The following PAQR5 variants were observed in gnomAD, a reference collection of about 807,000 sequenced individuals.
PAQR5 encodes progestin and adipoQ receptor family member 5.
A neutral mutation model predicts 34.5 loss-of-function variants in PAQR5; 20 were observed. That is an observed-to-expected ratio of 0.58 (90% CI 0.41 to 0.84). PAQR5 has a LOEUF of 0.84. Among genes scored for constraint, PAQR5 ranks in the 40% least tolerant of loss-of-function variants. The pLI is 0.00. For synonymous variants in PAQR5, 131 were observed against 155.6 expected (o/e 0.84, Z 1.18); for missense variants, 378 against 412.7 (o/e 0.92, Z 0.73).
intron 1 of PAQR5, among the ~76,000 whole-genome samples, chr15:69,307,885 T>C (rs1034717307): frequency 6.6e-6 from 1 of 152,186 alleles, no homozygotes; most frequent in East Asian, 1.9e-4. Context: ...GGGTTGATGG[T>C]GGTGCAGGCA....
chr15:69,331,825 A>G (rs1366146894), intron 1 of PAQR5, among the ~76,000 whole-genome samples: 1 of 152,220 alleles, frequency 6.6e-6, no homozygotes, highest in Non-Finnish European at 1.5e-5. Context: ...GGGATGGAAA[A>G]TGTTAATTTG....
At chr15:69,352,957 G>A (rs1447835779) in intron 2 of PAQR5, among the ~76,000 whole-genome samples, 2 of 152,208 alleles carry the variant, frequency 1.3e-5, no homozygotes, top group African/African-American at 4.8e-5. Context: ...CTCGTCAGAG[G>A]AGGACTTTAA....
intron 6 of PAQR5, among the ~76,000 whole-genome samples, chr15:69,390,354 TTATTTA>T (rs1567038457): frequency 1.3e-4 from 14 of 111,642 alleles, no homozygotes; most frequent in Non-Finnish European, 2.4e-4. Context: ...ATTTATTTAT[TTATTTA>T]TTTTTTTGAG....
chr15:69,390,658 G>A (rs2056242280), intron 6 of PAQR5, among the ~76,000 whole-genome samples: 1 of 152,058 alleles, frequency 6.6e-6, no homozygotes, highest in Non-Finnish European at 1.5e-5. Context: ...ATGTACCCAG[G>A]ACACTTAGCA....
chr15:69,403,500 T>C (rs1195905737), intron 8 of PAQR5, 81 bp from the exon 9 acceptor site: 1 of 1,374,600 alleles, frequency 7.3e-7, no homozygotes, highest in African/African-American at 1.4e-5. Flanking sequence ...TTAGCATCAT[T>C]TTTAGCATGA....
chr15:69,331,872 T>C (rs942321473), intron 1 of PAQR5, among the ~76,000 whole-genome samples: 6 of 152,342 alleles, frequency 3.9e-5, no homozygotes, highest in African/African-American at 1.2e-4. Context: ...ATCTTGCAAA[T>C]TGAGAATCTT....
At chr15:69,397,865 C>A (rs1218020180) in intron 7 of PAQR5, 6 of 404,240 alleles carry the variant, frequency 1.5e-5, no homozygotes, top group African/African-American at 1.0e-4. Flanking sequence ...CCCCCACACC[C>A]AGGTGCTGCC....
At chr15:69,304,123 T>G (rs2053663670) in intron 1 of PAQR5, among the ~76,000 whole-genome samples, 1 of 152,204 alleles carries the variant, frequency 6.6e-6, no homozygotes, top group Non-Finnish European at 1.5e-5. Context: ...GGGGCCTTCT[T>G]CTGTGACTGA....
At chr15:69,301,854 G>A (rs1010976340) in intron 1 of PAQR5, among the ~76,000 whole-genome samples, 2 of 108,298 alleles carry the variant, frequency 1.8e-5, no homozygotes, top group Non-Finnish European at 2.2e-5. Context: ...AAGAAATGGG[G>A]GGAGATTTTT....
chr15:69,331,944 C>T lies in PAQR5; in HGVS notation c.-276-5397C>T, dbSNP rs865787829. ...TTTCTCTTGTAAGTGGCTTGAACCTCACAGCTATAGCACAAGCGAGCAGGG... is the reference window on the plus strand; with the variant it reads ...TTTCTCTTGTAAGTGGCTTGAACCTTACAGCTATAGCACAAGCGAGCAGGG... On this transcript the variant is annotated intron_variant, in intron 1 of 8. Transcript: ENST00000395407. 1.4e-4 allele frequency among the ~76,000 whole-genome samples: 22 copies of T among 152,232 alleles called. 2 individuals carry two copies. In the South Asian group the frequency reaches 2.9e-3, roughly 20 times the overall value.
At chr15:69,391,289 G>T (rs2056264591) in intron 6 of PAQR5, 1 of 155,512 alleles carries the variant, frequency 6.4e-6, no homozygotes, top group African/African-American at 2.4e-5. Context: ...GAGCAGGCAA[G>T]TTTCACAAAC....
At chr15:69,333,530 A>G (rs770020069) in intron 1 of PAQR5, among the ~76,000 whole-genome samples, 10 of 152,168 alleles carry the variant, frequency 6.6e-5, no homozygotes, top group Non-Finnish European at 1.0e-4. Flanking sequence ...CCCACCCCGC[A>G]CTGGGAGATG....
intron 3 of PAQR5, among the ~76,000 whole-genome samples, chr15:69,371,524 G>T (rs1305498170): frequency 6.6e-6 from 1 of 151,986 alleles, no homozygotes; most frequent in African/African-American, 2.4e-5. Flanking sequence ...ATAATATAAA[G>T]AAAACTGAAA....
intron 3 of PAQR5, among the ~76,000 whole-genome samples, chr15:69,366,078 C>G (rs1010525674): frequency 3.3e-5 from 5 of 152,216 alleles, no homozygotes; most frequent in Non-Finnish European, 7.3e-5. Context: ...ACATTTTCAT[C>G]ACTCCAGAAA....
At chr15:69,382,659 CATATATATATAT>C (rs59064870) in intron 4 of PAQR5, among the ~76,000 whole-genome samples, 1,858 of 91,138 alleles carry the variant, frequency 0.02, 80 homozygotes, top group South Asian at 0.033. Flanking sequence ...AAAAAAAAAG[CATATATATATAT>C]ATATATATAT....
At position 69,390,356 on chromosome 15, in the gene PAQR5, A is replaced by ATTT. The variant is rs144601337; in HGVS notation, c.512+577_512+579dup. Among the ~76,000 whole-genome samples the ATTT allele has an allele frequency of 9.9e-3, 1,313 of 132,672 alleles. 53 individuals carry two copies. Among genetic ancestry groups the ATTT allele is most frequent in the South Asian group, 0.054 (225 of 4,156 alleles). The allele number at this position is 132,672 out of a possible 152,430, so 87.0% of individuals were successfully genotyped here. A position where few individuals can be genotyped will look rare whatever the true frequency, so the allele number is the denominator to read the frequency against. ...TATTTATTTATTTATTTATTTATTT[A>ATTT]TTTATTTTTTTGAGACAGGGTCTCT... On this transcript the variant is annotated intron_variant, in intron 6 of 8. Coordinates refer to ENST00000395407, the MANE Select transcript of PAQR5 (RefSeq NM_017705.4).
At chr15:69,378,010 C>A (rs978916939) in intron 3 of PAQR5, among the ~76,000 whole-genome samples, 12 of 151,980 alleles carry the variant, frequency 7.9e-5, no homozygotes, top group Non-Finnish European at 1.6e-4. Context: ...TGCCTGTAAT[C>A]CCAGCACTTT....
chr15:69,313,358 G>A (rs897389136), intron 1 of PAQR5, among the ~76,000 whole-genome samples: 1 of 152,080 alleles, frequency 6.6e-6, no homozygotes, highest in African/African-American at 2.4e-5. Flanking sequence ...AATTAGCTGG[G>A]CATGGTGGTG....
At chr15:69,360,909 A>G (rs575544165) in intron 3 of PAQR5, among the ~76,000 whole-genome samples, 1 of 152,312 alleles carries the variant, frequency 6.6e-6, no homozygotes, top group South Asian at 2.1e-4. Context: ...GACTTGCCCC[A>G]GAAAAATAAG....
Sources: gnomAD v4.1 joint callset for allele counts (sites outside exome capture counted in the v4.1 genomes callset) on GRCh38, gnomAD v4.1.1 for gene constraint, MANE v1.5 for transcripts, NCBI Gene and HGNC (gene_info 2026-07-23, HGNC 2026-07-21) for gene names.